USP34: variants seen among roughly 807,000 people sequenced by gnomAD.
USP34 encodes the protein ubiquitin carboxyl-terminal hydrolase 34.
A neutral mutation model predicts 460.3 loss-of-function variants in USP34; 70 were observed. The observed-to-expected ratio is 0.15, with a 90% CI of 0.13 to 0.19. The LOEUF (loss-of-function observed/expected upper bound fraction) is 0.19, where lower values mean the gene tolerates loss of function less well. Among genes scored for constraint, USP34 ranks in the 10% least tolerant of loss-of-function variants. USP34 has a pLI of 1.00. For synonymous variants in USP34, 1,647 were observed against 1,405.3 expected (o/e 1.17, Z -3.85); for missense variants, 3,985 against 4,236.2 (o/e 0.94, Z 1.65).
intron 48 of USP34, among the ~76,000 whole-genome samples, chr2:61,252,815 A>G (rs1041369436): frequency 2.0e-5 from 3 of 152,234 alleles, no homozygotes; most frequent in Admixed American, 6.5e-5. Context: ...CATTGTGTCA[A>G]TAAGTAAGAG....
intron 1 of USP34, among the ~76,000 whole-genome samples, chr2:61,466,381 T>C (rs960231666): frequency 2.6e-5 from 4 of 151,374 alleles, no homozygotes. Flanking sequence ...CCCAAGAGCA[T>C]ACCACTGCAC....
At chr2:61,224,517 A>G (rs1460575609) in intron 62 of USP34, among the ~76,000 whole-genome samples, 2 of 152,230 alleles carry the variant, frequency 1.3e-5, no homozygotes, top group Non-Finnish European at 2.9e-5. Flanking sequence ...ATTCCAAAAC[A>G]GTGATATTCT....
At chr2:61,297,385 C>T (rs770837666) in intron 29 of USP34, among the ~76,000 whole-genome samples, 4 of 152,214 alleles carry the variant, frequency 2.6e-5, no homozygotes, top group Non-Finnish European at 5.9e-5. Flanking sequence ...CTCAGATGAA[C>T]AGACGTTAAG....
At chr2:61,416,821 T>TGGGGGGGGGGG (rs55720314) in intron 2 of USP34, 3 of 207,138 alleles carry the variant, frequency 1.4e-5, no homozygotes, top group African/African-American at 3.4e-5. Context: ...TTTTTTTTTT[T>TGGGGGGGGGGG]GGGGGGGGGG....
chr2:61,402,112 T>C (rs1357705649), intron 3 of USP34, among the ~76,000 whole-genome samples: 2 of 151,564 alleles, frequency 1.3e-5, no homozygotes, highest in East Asian at 3.9e-4. Flanking sequence ...AAAAAAGTAA[T>C]AATAAAATAA....
At chr2:61,424,402 T>C (rs1014830155) in intron 1 of USP34, among the ~76,000 whole-genome samples, 26 of 152,230 alleles carry the variant, frequency 1.7e-4, no homozygotes, top group African/African-American at 6.3e-4. Context: ...CGTTACTCGG[T>C]GCATGACTGT....
At chr2:61,356,451 C>T (rs771768985) in intron 10 of USP34, among the ~76,000 whole-genome samples, 1 of 151,066 alleles carries the variant, frequency 6.6e-6, no homozygotes, top group Non-Finnish European at 1.5e-5. Flanking sequence ...AATTGTGCCA[C>T]AGCACTCCAG....
At chr2:61,315,153 A>C (rs1201294567) in intron 23 of USP34, among the ~76,000 whole-genome samples, 179 bp from the exon 24 acceptor site, 1 of 152,218 alleles carries the variant, frequency 6.6e-6, no homozygotes, top group African/African-American at 2.4e-5. Context: ...AGTTCTAAAA[A>C]ATATTTATAC....
chr2:61,293,680 C>A (rs7566035), intron 32 of USP34, 130 bp from the exon 33 acceptor site: 2 of 614,676 alleles, frequency 3.3e-6, no homozygotes, highest in Non-Finnish European at 5.5e-6. Flanking sequence ...TTTAAATTAC[C>A]AAAATAATTT....
intron 1 of USP34, among the ~76,000 whole-genome samples, chr2:61,448,837 C>T (rs972939624): frequency 2.6e-4 from 40 of 151,882 alleles, no homozygotes; most frequent in Non-Finnish European, 1.0e-4. Context: ...TATTCTTTGC[C>T]CAAAATGTAT....
At chr2:61,470,372 A>C (rs754270138) in intron 1 of USP34, among the ~76,000 whole-genome samples, 1 of 151,726 alleles carries the variant, frequency 6.6e-6, no homozygotes, top group Non-Finnish European at 1.5e-5. Flanking sequence ...ATTAATTGAC[A>C]CCTGTAATGA....
intron 1 of USP34, among the ~76,000 whole-genome samples, chr2:61,447,291 CAT>C (rs931487211): frequency 9.9e-6 from 1 of 101,038 alleles, no homozygotes; most frequent in Admixed American, 1.1e-4. Flanking sequence ...AACCAGAAAA[CAT>C]ATATAATTCC....
intron 2 of USP34, among the ~76,000 whole-genome samples, chr2:61,419,581 G>A (rs746076084): frequency 6.6e-6 from 1 of 152,100 alleles, no homozygotes; most frequent in Admixed American, 6.5e-5. Context: ...CCAATAACTA[G>A]TGATGAGATT....
chr2:61,360,698 C>T (rs757270109), intron 10 of USP34, among the ~76,000 whole-genome samples: 2 of 152,186 alleles, frequency 1.3e-5, no homozygotes, highest in Non-Finnish European at 2.9e-5. Context: ...ATTTTGTCAG[C>T]CAAGCTGGAG....
At position 61,246,389 on chromosome 2, in the gene USP34, A is replaced by G; in HGVS notation, c.6483T>C (p.Asp2161=). 1 of 1,611,414 alleles carries G rather than the reference A, an allele frequency of 6.2e-7. No individual in the cohort carries two copies. Among genetic ancestry groups the G allele is most frequent in the East Asian group, 2.2e-5 (1 of 44,718 alleles). ...IGVTVHTGTA[D]GGHYYSFIRD... is the part of the protein sequence containing the mutation. ...TGATAAAGCTATAATAGTGTCCACC[A>G]TCTGCCGTTCCTGTGTGAACAGTCA... is the stretch of plus-strand genomic sequence containing the variant. Residue 2161 remains aspartate, a synonymous_variant, in exon 50 of 80, where the codon GAT becomes GAC. Coordinates refer to ENST00000398571, the MANE Select transcript of USP34 (RefSeq NM_014709.4).
chr2:61,336,129 G>C (rs1416126559), intron 18 of USP34, among the ~76,000 whole-genome samples: 4 of 149,932 alleles, frequency 2.7e-5, no homozygotes, highest in Non-Finnish European at 1.5e-5. Context: ...TTGTGTGTGT[G>C]TGTGTGTGTC....
At chr2:61,380,917 C>T (rs1034180241) in intron 6 of USP34, among the ~76,000 whole-genome samples, 7 of 152,198 alleles carry the variant, frequency 4.6e-5, no homozygotes, top group East Asian at 1.9e-4. Context: ...CAAGACCAAT[C>T]GGCATGGCAA....
At chr2:61,293,270 T>G (rs927520812) in intron 33 of USP34, among the ~76,000 whole-genome samples, 194 bp downstream of exon 33, 1 of 152,124 alleles carries the variant, frequency 6.6e-6, no homozygotes, top group African/African-American at 2.4e-5. Context: ...ATCAGAAGAA[T>G]TTTTTAATAC....
chr2:61,260,089 G>C (rs1447690421), intron 43 of USP34, among the ~76,000 whole-genome samples: 1 of 151,694 alleles, frequency 6.6e-6, no homozygotes, highest in African/African-American at 2.4e-5. Context: ...AACACTTCAG[G>C]TGCAATCAAA....
Sources: gnomAD v4.1 joint callset for allele counts (sites outside exome capture counted in the v4.1 genomes callset) on GRCh38, gnomAD v4.1.1 for gene constraint, MANE v1.5 for transcripts, NCBI Gene and HGNC (gene_info 2026-07-23, HGNC 2026-07-21) for gene names.